Variants in ERI3 observed in about 807,000 individuals in gnomAD.
ERI3 encodes the protein ERI1 exoribonuclease family member 3, also known as ERI1 exoribonuclease 3.
In ERI3, 18 loss-of-function variants were observed where a neutral mutation model predicts 44.4. That is an observed-to-expected ratio of 0.41 (90% CI 0.28 to 0.60). The LOEUF (loss-of-function observed/expected upper bound fraction) is 0.60. Among genes scored for constraint, ERI3 ranks in the 20% least tolerant of loss-of-function variants. ERI3 has a pLI of 0.36. For synonymous variants in ERI3, 183 were observed against 164.8 expected (o/e 1.11, Z -0.84); for missense variants, 294 against 435.5 (o/e 0.68, Z 2.89).
At chr1:44,318,215 T>G (rs923838461) in intron 4 of ERI3, among the ~76,000 whole-genome samples, 4 of 152,186 alleles carry the variant, frequency 2.6e-5, no homozygotes, top group African/African-American at 9.6e-5. Context: ...AGCAGAATAC[T>G]GTTACATTCC....
chr1:44,313,664 G>C (rs1426937298), intron 4 of ERI3, among the ~76,000 whole-genome samples: 2 of 152,134 alleles, frequency 1.3e-5, no homozygotes, highest in African/African-American at 2.4e-5. Context: ...TCATACAGGA[G>C]AGGCACACTT....
intron 3 of ERI3, among the ~76,000 whole-genome samples, chr1:44,330,994 T>C (rs1209841664): frequency 6.6e-6 from 1 of 152,140 alleles, no homozygotes; most frequent in Non-Finnish European, 1.5e-5. Flanking sequence ...GTGAAGCCTA[T>C]GGACTTAACC....
intron 8 of ERI3, 121 bp downstream of exon 8, chr1:44,247,818 T>C (rs1226587679): frequency 7.8e-6 from 4 of 514,494 alleles, no homozygotes; most frequent in Admixed American, 3.5e-5. Context: ...CCCCCACCTA[T>C]GTAGAGAGCC....
intron 7 of ERI3, among the ~76,000 whole-genome samples, chr1:44,279,717 C>A (rs1318429839): frequency 1.3e-5 from 2 of 152,200 alleles, no homozygotes; most frequent in African/African-American, 4.8e-5. Flanking sequence ...TTGCTCAAAT[C>A]ATAAATCCTG....
chr1:44,284,803 G>A (rs1206621166), intron 7 of ERI3, 32 bp downstream of exon 7: 2 of 1,578,772 alleles, frequency 1.3e-6, no homozygotes, highest in Non-Finnish European at 1.7e-6. Context: ...GAGCACCAGG[G>A]GAAGCACCCA....
chr1:44,243,270 C>G (rs1400392717), intron 8 of ERI3: 1 of 152,452 alleles, frequency 6.6e-6, no homozygotes, highest in Non-Finnish European at 1.5e-5. Context: ...CATCCCAGAG[C>G]AGAGGGGACA....
intron 7 of ERI3, among the ~76,000 whole-genome samples, chr1:44,272,841 AAAAATAAAATAAAAT>A (rs3054072): frequency 2.0e-4 from 30 of 146,636 alleles, no homozygotes; most frequent in South Asian, 1.1e-3. Context: ...GACTGTCTCA[AAAAATAAAATAAAAT>A]AAAATAAAAT....
chr1:44,246,058 G>A (rs553286053), intron 8 of ERI3, among the ~76,000 whole-genome samples: 70 of 152,274 alleles, frequency 4.6e-4, no homozygotes, highest in African/African-American at 1.6e-3. Flanking sequence ...CTTTGATCAC[G>A]TCATTCTCTC....
intron 3 of ERI3, among the ~76,000 whole-genome samples, chr1:44,328,576 G>A (rs1646363762): frequency 6.6e-6 from 1 of 152,030 alleles, no homozygotes. Flanking sequence ...CAGATTGCAG[G>A]TTCTATTTCA....
chr1:44,303,224 C>A (rs988821813), intron 6 of ERI3, among the ~76,000 whole-genome samples: 1 of 152,212 alleles, frequency 6.6e-6, no homozygotes, highest in South Asian at 2.1e-4. Flanking sequence ...GCCCAACACA[C>A]AGTGGCAGTG....
chr1:44,321,703 C>A (rs1646207980), intron 3 of ERI3, among the ~76,000 whole-genome samples: 1 of 152,212 alleles, frequency 6.6e-6, no homozygotes, highest in African/African-American at 2.4e-5. Flanking sequence ...AGCTCTATAG[C>A]CTGGTGAGTA....
intron 7 of ERI3, among the ~76,000 whole-genome samples, chr1:44,267,895 T>C (rs1018003791): frequency 7.9e-5 from 12 of 152,174 alleles, no homozygotes; most frequent in African/African-American, 2.9e-4. Flanking sequence ...TAGGGCAATC[T>C]AGGGTATCTT....
In ERI3 at chr1:44,281,582, C is replaced by T. The variant is rs189376219; in HGVS notation, c.831+3253G>A. 7.5e-3 allele frequency among the ~76,000 whole-genome samples: 754 copies of T among 100,432 alleles called. 6 individuals carry two copies. Among genetic ancestry groups the T allele is most frequent in the African/African-American group, 0.028 (706 of 24,882 alleles). The allele number at this position is 100,432 out of a possible 152,430, so 65.9% of individuals were successfully genotyped here. ...TAGCCTGGGTGACAGAGTGAGACCC[C>T]GTCTCGAAAAAAAAAAAAAATATAT... On this transcript the variant is annotated intron_variant, in intron 7 of 8. Transcript: ENST00000372257.
intron 6 of ERI3, among the ~76,000 whole-genome samples, chr1:44,302,214 T>C (rs974121978): frequency 1.3e-5 from 2 of 152,252 alleles, no homozygotes; most frequent in Admixed American, 1.3e-4. Context: ...TTTCCTTCCC[T>C]ACTCAGAAAG....
intron 7 of ERI3, among the ~76,000 whole-genome samples, chr1:44,261,300 G>A (rs1644889131): frequency 6.6e-6 from 1 of 152,268 alleles, no homozygotes; most frequent in South Asian, 2.1e-4. Flanking sequence ...GGAGGAAGGC[G>A]CGAGTCAGTC....
intron 5 of ERI3, among the ~76,000 whole-genome samples, chr1:44,310,759 C>G (rs1645937737): frequency 1.3e-5 from 2 of 152,090 alleles, no homozygotes. Context: ...TATAGCAGCT[C>G]TACCAACCAG....
chr1:44,265,926 A>G (rs570061181), intron 7 of ERI3, among the ~76,000 whole-genome samples: 1 of 152,356 alleles, frequency 6.6e-6, no homozygotes, highest in African/African-American at 2.4e-5. Flanking sequence ...AGTGGGGACA[A>G]AAATCTAAAT....
At chr1:44,329,172 G>A (rs1036565495) in intron 3 of ERI3, among the ~76,000 whole-genome samples, 4 of 152,186 alleles carry the variant, frequency 2.6e-5, no homozygotes, top group South Asian at 2.1e-4. Flanking sequence ...TGAGAAGACC[G>A]CTCATTACAG....
chr1:44,313,210 C>T lies in ERI3; in HGVS notation c.625G>A (p.Ala209Thr), dbSNP rs146712799. The T allele has an allele frequency of 6.2e-7, 1 of 1,614,126 alleles. No homozygotes were observed. The change falls in exon 5 of 9, where the codon GCC becomes ACC. Residue 209 changes from alanine (A) to threonine (T), a missense_variant. Coordinates refer to ENST00000372257, the MANE Select transcript of ERI3 (RefSeq NM_024066.3). ...FCTELTGIIQ[A>T]MVDGQPSLQQ... ...AGGCTTGGCTGACCATCCACCATGG[C>T]TTGAATAATCCCGGTGAGCTGAAAG...
Sources: allele counts gnomAD v4.1 joint callset (sites outside exome capture counted in the v4.1 genomes callset), GRCh38; gene constraint gnomAD v4.1.1; transcripts MANE v1.5; gene names NCBI Gene and HGNC (gene_info 2026-07-23, HGNC 2026-07-21).